The following LIPK variants were observed in gnomAD, a reference collection of about 807,000 sequenced individuals.
LIPK encodes lipase family member K.
LIPK carries 32 observed loss-of-function variants against 48.6 expected under a neutral mutation model. The observed-to-expected ratio is 0.66, with a 90% CI of 0.50 to 0.88. The LOEUF (loss-of-function observed/expected upper bound fraction) is 0.88, where lower values mean the gene tolerates loss of function less well. Ranked by LOEUF, LIPK falls within the 40% of genes least tolerant of loss-of-function variation. The pLI, the probability that LIPK is intolerant of heterozygous loss-of-function variation, is 0.00. For missense variants in LIPK, 507 were observed against 478.5 expected (o/e 1.06, Z -0.56); for synonymous variants, 164 against 157.4 (o/e 1.04, Z -0.32).
intron 1 of LIPK, among the ~76,000 whole-genome samples, chr10:88,718,575 A>G (rs1842162750): frequency 6.6e-6 from 1 of 151,970 alleles, no homozygotes; most frequent in East Asian, 1.9e-4. Context: ...TTTGTCACTC[A>G]TAAGAATTTT....
At chr10:88,750,577 C>A (rs1005503067) in intron 9 of LIPK, among the ~76,000 whole-genome samples, 1 of 152,116 alleles carries the variant, frequency 6.6e-6, no homozygotes, top group African/African-American at 2.4e-5. Flanking sequence ...CATGCTCTCA[C>A]TTATAAGTGG....
intron 9 of LIPK, among the ~76,000 whole-genome samples, chr10:88,745,863 G>A (rs559390717): frequency 6.6e-6 from 1 of 152,182 alleles, no homozygotes; most frequent in Non-Finnish European, 1.5e-5. Context: ...AGACCTAACT[G>A]TATGCTGCCT....
chr10:88,737,560 TC>T (rs529552105), intron 6 of LIPK, 74 bp from the exon 7 acceptor site: 47 of 1,498,044 alleles, frequency 3.1e-5, no homozygotes, highest in Non-Finnish European at 4.3e-5. Context: ...GTGCAGTCCT[TC>T]TTTGAACTAT....
At chr10:88,730,710 G>A (rs778363808) in intron 3 of LIPK, among the ~76,000 whole-genome samples, 3 of 152,136 alleles carry the variant, frequency 2.0e-5, no homozygotes, top group African/African-American at 7.2e-5. Flanking sequence ...GAGTTCATGC[G>A]TATCGAAGGG....
At chr10:88,735,526 C>A (rs768229244) in intron 6 of LIPK, among the ~76,000 whole-genome samples, 1 of 152,170 alleles carries the variant, frequency 6.6e-6, no homozygotes, top group Non-Finnish European at 1.5e-5. Context: ...AAAAAAAAGT[C>A]TTTTTCCACT....
At chr10:88,733,895 A>C in intron 6 of LIPK, among the ~76,000 whole-genome samples, 1 of 152,200 alleles carries the variant, frequency 6.6e-6, no homozygotes, top group South Asian at 2.1e-4. Flanking sequence ...GTATGAGTAA[A>C]AACTAGGGTG....
At chr10:88,718,152 T>A (rs1842155182) in intron 1 of LIPK, among the ~76,000 whole-genome samples, 1 of 151,584 alleles carries the variant, frequency 6.6e-6, no homozygotes, top group African/African-American at 2.4e-5. Flanking sequence ...ATATCTTTCT[T>A]AGCTCACTAA....
chr10:88,713,886 G>A (rs965119367), intron 1 of LIPK, among the ~76,000 whole-genome samples: 2 of 151,490 alleles, frequency 1.3e-5, no homozygotes, highest in African/African-American at 4.8e-5. Context: ...CACTGCAGAG[G>A]TTGCAGTGAG....
intron 9 of LIPK, among the ~76,000 whole-genome samples, chr10:88,748,253 C>A (rs471419): frequency 0.78 from 119,022 of 151,994 alleles, 47,518 homozygotes; most frequent in East Asian, 1. Context: ...AACACACAGC[C>A]GGGCCTGTGT....
At chr10:88,710,135 ATATAT>A (rs936329517) in intron 1 of LIPK, among the ~76,000 whole-genome samples, 6 of 151,906 alleles carry the variant, frequency 3.9e-5, no homozygotes, top group South Asian at 2.1e-4. Context: ...GATTAAATTA[ATATAT>A]TATAGTTTAT....
At chr10:88,740,855 T>C (rs1842668228) in intron 8 of LIPK, among the ~76,000 whole-genome samples, 1 of 152,082 alleles carries the variant, frequency 6.6e-6, no homozygotes, top group South Asian at 2.1e-4. Flanking sequence ...TCCTACTAAA[T>C]TTGCTCCCTG....
intron 6 of LIPK, among the ~76,000 whole-genome samples, chr10:88,737,194 T>A (rs1194717780): frequency 1.3e-5 from 2 of 152,236 alleles, no homozygotes; most frequent in East Asian, 3.8e-4. Context: ...GCATGTGCGC[T>A]AGATGCTAGG....
At chr10:88,720,951 T>C (rs1842212369) in intron 1 of LIPK, among the ~76,000 whole-genome samples, 1 of 151,834 alleles carries the variant, frequency 6.6e-6, no homozygotes, top group Admixed American at 6.6e-5. Context: ...TCTATTGTGA[T>C]TTAATCTGAG....
chr10:88,731,209 A>T, intron 4 of LIPK, 28 bp downstream of exon 4: 2 of 1,469,376 alleles, frequency 1.4e-6, no homozygotes, highest in Non-Finnish European at 9.0e-7. Context: ...AATGAATAAA[A>T]TGTGTACTTT....
chr10:88,735,003 T>G (rs1048843573), intron 6 of LIPK, among the ~76,000 whole-genome samples: 4 of 152,186 alleles, frequency 2.6e-5, no homozygotes, highest in Admixed American at 2.0e-4. Flanking sequence ...TCATTGATGC[T>G]GCCAGTTCTT....
chr10:88,736,544 A>T (rs1054900058), intron 6 of LIPK, among the ~76,000 whole-genome samples: 1 of 152,150 alleles, frequency 6.6e-6, no homozygotes, highest in Non-Finnish European at 1.5e-5. Flanking sequence ...TTGTCACACA[A>T]ATAAATAATT....
chr10:88,739,320 G>A (rs571707337), intron 7 of LIPK, among the ~76,000 whole-genome samples: 5 of 152,234 alleles, frequency 3.3e-5, no homozygotes, highest in East Asian at 1.9e-4. Context: ...GACTTAACAC[G>A]GGGTGAAGGA....
chr10:88,730,831 AGT>A (rs1842449917), intron 3 of LIPK, among the ~76,000 whole-genome samples, 150 bp from the exon 4 acceptor site: 1 of 152,242 alleles, frequency 6.6e-6, no homozygotes, highest in Non-Finnish European at 1.5e-5. Flanking sequence ...TACCCAAGTA[AGT>A]AGCTCAGAAG....
At chr10:88,730,083 A>G (rs930952696) in intron 3 of LIPK, among the ~76,000 whole-genome samples, 3 of 152,194 alleles carry the variant, frequency 2.0e-5, no homozygotes, top group African/African-American at 4.8e-5. Context: ...TAACAATTCA[A>G]ATGAAATGAA....
Sources: gnomAD v4.1 joint callset for allele counts (sites outside exome capture counted in the v4.1 genomes callset) on GRCh38, gnomAD v4.1.1 for gene constraint, MANE v1.5 for transcripts, NCBI Gene and HGNC (gene_info 2026-07-23, HGNC 2026-07-21) for gene names.